Variants in GPR39 observed in about 807,000 individuals in gnomAD.
GPR39 encodes the protein zinc sensing receptor.
Under a neutral mutation model 18.4 loss-of-function variants are expected in GPR39, and 23 were observed. The ratio of observed to expected loss-of-function variants is 1.25; its 90% CI spans 0.90 to 1.77. The LOEUF is 1.77. GPR39 is among the 40% of genes most tolerant of loss of function. The probability of loss-of-function intolerance (pLI) is 0.00; values close to 1 mark genes in which losing one functional copy is unlikely to be tolerated. For synonymous variants in GPR39, 280 were observed against 257.9 expected, an observed-to-expected ratio of 1.09 and a Z score of -0.82; for missense variants, 647 against 602.4, an observed-to-expected ratio of 1.07 and a Z score of -0.78.
chr2:132,622,621 C>A (rs547053844), intron 1 of GPR39, among the ~76,000 whole-genome samples: 1 of 152,128 alleles, frequency 6.6e-6, no homozygotes. Flanking sequence ...AGCTGGATAC[C>A]GCGAAGCAGA....
At chr2:132,590,508 C>T (rs915132478) in intron 1 of GPR39, among the ~76,000 whole-genome samples, 2 of 151,960 alleles carry the variant, frequency 1.3e-5, no homozygotes, top group Non-Finnish European at 2.9e-5. Flanking sequence ...GGCGCAAGAC[C>T]TATGGTGGGC....
chr2:132,499,712 C>A (rs944603344), intron 1 of GPR39, among the ~76,000 whole-genome samples: 3 of 152,032 alleles, frequency 2.0e-5, no homozygotes, highest in African/African-American at 7.2e-5. Context: ...GGATATGTTT[C>A]CGTTTGTTTG....
intron 1 of GPR39, among the ~76,000 whole-genome samples, chr2:132,458,864 A>G (rs1292102711): frequency 1.3e-5 from 2 of 151,390 alleles, no homozygotes; most frequent in East Asian, 3.9e-4. Flanking sequence ...CACAATGCCA[A>G]ATCTCTCTCC....
intron 1 of GPR39, among the ~76,000 whole-genome samples, chr2:132,498,971 G>A (rs532664487): frequency 5.9e-5 from 9 of 152,064 alleles, no homozygotes; most frequent in East Asian, 5.8e-4. Flanking sequence ...GTCCTTTGTC[G>A]GATGTATGGA....
At chr2:132,456,115 C>T (rs1159276845) in intron 1 of GPR39, among the ~76,000 whole-genome samples, 2 of 152,138 alleles carry the variant, frequency 1.3e-5, no homozygotes, top group Admixed American at 1.3e-4. Flanking sequence ...GAGTCTAAGT[C>T]TCTTTGTAGG....
intron 1 of GPR39, among the ~76,000 whole-genome samples, chr2:132,556,474 C>G (rs1320682635): frequency 6.6e-6 from 1 of 152,180 alleles, no homozygotes; most frequent in Admixed American, 6.5e-5. Flanking sequence ...TAAGCAAGTT[C>G]TTTCCCTGCA....
chr2:132,427,908 A>T (rs1558795942), intron 1 of GPR39, among the ~76,000 whole-genome samples: 1 of 145,306 alleles, frequency 6.9e-6, no homozygotes, highest in Non-Finnish European at 1.5e-5. Flanking sequence ...ATAATATAAA[A>T]TTATATTTAA....
In GPR39 at chr2:132,645,293, A is replaced by G; in HGVS notation, c.1049A>G (p.Gln350Arg). ...CTCCTGTACACGGTGTCCTCGCAGC[A>G]GTTTCGGCGGGTGTTCGTGCAGGTG... ...NPLLYTVSSQ[Q>R]FRRVFVQVLC... The change falls in exon 2 of 2, where the codon CAG becomes CGG. Residue 350 changes from glutamine to arginine, a missense_variant. Gln to Arg is a conservative substitution (Grantham distance 43, BLOSUM62 1). Coordinates refer to ENST00000329321, the MANE Select transcript of GPR39 (RefSeq NM_001508.3). 1 of 1,614,174 alleles carries G rather than the reference A, an allele frequency of 6.2e-7. No individual in the cohort carries two copies. The highest frequency in any genetic ancestry group is 8.5e-7 in the Non-Finnish European group (1 of 1,180,026).
chr2:132,636,817 C>T (rs1485303812), intron 1 of GPR39, among the ~76,000 whole-genome samples: 2 of 152,184 alleles, frequency 1.3e-5, no homozygotes, highest in Non-Finnish European at 2.9e-5. Context: ...TGGTATGCAT[C>T]GACTTGCTGT....
rs527419543 is a variant in GPR39, at chr2:132,421,966, C to T, written c.856+4068C>T. 5.3e-5 allele frequency among the ~76,000 whole-genome samples: 8 copies of T among 152,124 alleles called. No individual in the cohort carries two copies. The East Asian group carries it at 1.2e-3, about 22-fold the overall frequency. ...GGGTTGAAAACATTTGAAAAGAGGT[C>T]TCATTGGGACTTGAAAGTGAAAATT... On this transcript the variant is annotated intron_variant, in intron 1 of 1. Coordinates refer to ENST00000329321, the MANE Select transcript of GPR39 (RefSeq NM_001508.3).
chr2:132,529,495 G>T (rs549396883), intron 1 of GPR39, among the ~76,000 whole-genome samples: 2 of 152,340 alleles, frequency 1.3e-5, no homozygotes, highest in Non-Finnish European at 1.5e-5. Flanking sequence ...TGACAGCTTT[G>T]AAAAGAGTAG....
chr2:132,486,582 T>C (rs1015673635), intron 1 of GPR39, among the ~76,000 whole-genome samples: 3 of 152,230 alleles, frequency 2.0e-5, no homozygotes, highest in Non-Finnish European at 2.9e-5. Flanking sequence ...TGCACATTTA[T>C]GTTATCCAGA....
At chr2:132,533,402 T>C (rs1476518850) in intron 1 of GPR39, among the ~76,000 whole-genome samples, 1 of 141,394 alleles carries the variant, frequency 7.1e-6, no homozygotes, top group African/African-American at 2.5e-5. Context: ...ATCAATATCG[T>C]GAAAATGGCC....
At chr2:132,470,319 G>A (rs564520097) in intron 1 of GPR39, among the ~76,000 whole-genome samples, 2 of 152,274 alleles carry the variant, frequency 1.3e-5, no homozygotes, top group Admixed American at 6.5e-5. Flanking sequence ...TTTCAGTAGG[G>A]TAGTTAGGGT....
intron 1 of GPR39, among the ~76,000 whole-genome samples, chr2:132,435,574 G>T (rs1316568984): frequency 1.2e-4 from 19 of 152,190 alleles, no homozygotes; most frequent in Admixed American, 1.2e-3. Context: ...TTTTGACTGT[G>T]CAGGGAAGGG....
intron 1 of GPR39, among the ~76,000 whole-genome samples, chr2:132,571,487 T>C (rs763336401): frequency 1.5e-4 from 23 of 152,200 alleles, no homozygotes; most frequent in Admixed American, 5.2e-4. Flanking sequence ...AGAATGAAGA[T>C]CTTTACATGA....
chr2:132,591,891 T>C (rs529222248), intron 1 of GPR39, among the ~76,000 whole-genome samples: 9 of 152,314 alleles, frequency 5.9e-5, no homozygotes, highest in Admixed American at 4.6e-4. Context: ...AGAAGTGGGA[T>C]TGCTGTGTTG....
At chr2:132,478,609 G>C (rs1462607089) in intron 1 of GPR39, among the ~76,000 whole-genome samples, 2 of 152,200 alleles carry the variant, frequency 1.3e-5, no homozygotes, top group African/African-American at 4.8e-5. Flanking sequence ...GCTGCTTTAA[G>C]GCTAATTAAC....
chr2:132,555,098 C>T (rs576286682), intron 1 of GPR39, among the ~76,000 whole-genome samples: 130 of 152,148 alleles, frequency 8.5e-4, no homozygotes, highest in Middle Eastern at 3.4e-3. Flanking sequence ...ACTACAGGTG[C>T]GTGCCACCAT....
Sources: gnomAD v4.1 joint callset for allele counts (sites outside exome capture counted in the v4.1 genomes callset) on GRCh38, gnomAD v4.1.1 for gene constraint, MANE v1.5 for transcripts, NCBI Gene and HGNC (gene_info 2026-07-23, HGNC 2026-07-21) for gene names.